Variants in SLC44A5 observed in about 807,000 individuals in gnomAD.
The protein encoded by SLC44A5 is choline transporter-like protein 5.
SLC44A5 carries 57 observed loss-of-function variants against 101.8 expected under a neutral mutation model. The observed-to-expected ratio is 0.56, with a 90% CI of 0.45 to 0.70. SLC44A5 has a LOEUF of 0.70. Among genes scored for constraint, SLC44A5 ranks in the 30% least tolerant of loss-of-function variants. SLC44A5 has a pLI of 0.00. For synonymous variants in SLC44A5, 281 were observed against 290.9 expected (o/e 0.97, Z 0.35); for missense variants, 737 against 853.1 (o/e 0.86, Z 1.70).
chr1:75,548,598 A>G (rs992086736), intron 1 of SLC44A5, among the ~76,000 whole-genome samples: 1 of 152,156 alleles, frequency 6.6e-6, no homozygotes, highest in African/African-American at 2.4e-5. Flanking sequence ...AGGGGCTAAA[A>G]AGGACTCAAA....
At chr1:75,474,069 G>T (rs1332319919) in intron 2 of SLC44A5, among the ~76,000 whole-genome samples, 2 of 152,120 alleles carry the variant, frequency 1.3e-5, no homozygotes, top group African/African-American at 4.8e-5. Context: ...GAGCAGATTT[G>T]CTGCTTCATT....
intron 2 of SLC44A5, among the ~76,000 whole-genome samples, chr1:75,517,212 C>T (rs1009013969): frequency 1.3e-5 from 2 of 151,868 alleles, no homozygotes; most frequent in African/African-American, 2.4e-5. Flanking sequence ...CTGCCCTTTC[C>T]GAGACTATAT....
At chr1:75,360,868 G>T (rs891963058) in intron 3 of SLC44A5, among the ~76,000 whole-genome samples, 1 of 152,128 alleles carries the variant, frequency 6.6e-6, no homozygotes, top group East Asian at 1.9e-4. Flanking sequence ...TTTTGATAGG[G>T]ATTGCACTGA....
chr1:75,245,284 A>G (rs1180174244), intron 7 of SLC44A5, among the ~76,000 whole-genome samples: 1 of 152,142 alleles, frequency 6.6e-6, no homozygotes, highest in East Asian at 1.9e-4. Context: ...ACCTTCAGAG[A>G]AAATATTAGT....
At chr1:75,209,968 G>A (rs939239953) in intron 23 of SLC44A5, among the ~76,000 whole-genome samples, 3 of 152,146 alleles carry the variant, frequency 2.0e-5, no homozygotes, top group African/African-American at 7.2e-5. Flanking sequence ...AAATGGCATG[G>A]AAGGTGAAAG....
At chr1:75,421,707 C>A (rs1269806783) in intron 2 of SLC44A5, among the ~76,000 whole-genome samples, 2 of 151,962 alleles carry the variant, frequency 1.3e-5, no homozygotes, top group East Asian at 3.9e-4. Context: ...GTCACTAGCT[C>A]ATTGCTGCAC....
At chr1:75,260,676 A>G (rs1453685889) in intron 6 of SLC44A5, among the ~76,000 whole-genome samples, 2 of 152,274 alleles carry the variant, frequency 1.3e-5, no homozygotes, top group South Asian at 4.1e-4. Context: ...AAGCAGACCT[A>G]ATAGACATCT....
chr1:75,529,743 T>C (rs1670618797), intron 2 of SLC44A5, among the ~76,000 whole-genome samples: 1 of 152,166 alleles, frequency 6.6e-6, no homozygotes, highest in Non-Finnish European at 1.5e-5. Context: ...ACTTTAGATT[T>C]AGAGATAGAG....
intron 1 of SLC44A5, chr1:75,582,107 C>A: frequency 1.4e-6 from 1 of 731,022 alleles, no homozygotes; most frequent in Non-Finnish European, 2.5e-6. Flanking sequence ...TGGCCAAGTC[C>A]AAGAACCACA....
At chr1:75,398,718 A>G (rs1480145595) in intron 2 of SLC44A5, among the ~76,000 whole-genome samples, 1 of 152,144 alleles carries the variant, frequency 6.6e-6, no homozygotes, top group Non-Finnish European at 1.5e-5. Context: ...AAAAAAGCAA[A>G]GTTCATATTT....
At chr1:75,418,493 G>A (rs113454524) in intron 2 of SLC44A5, among the ~76,000 whole-genome samples, 23 of 152,262 alleles carry the variant, frequency 1.5e-4, no homozygotes, top group African/African-American at 5.3e-4. Context: ...TGAGTAAGTG[G>A]CATTCAAGCC....
At position 75,507,888 on chromosome 1, in the gene SLC44A5, T is replaced by C. The variant is rs140994746; in HGVS notation, c.13+33547A>G. Among the ~76,000 whole-genome samples, 299 of 152,288 alleles carry C rather than the reference T, an allele frequency of 2.0e-3. 2 individuals carry two copies. The highest frequency in any genetic ancestry group is 6.9e-3 in the African/African-American group (286 of 41,562). On this transcript the variant is annotated intron_variant, in intron 2 of 23. Transcript: ENST00000370859. ...CCCAGATTCACAAAACAAGTACTTC[T>C]AGGCCTACAAAAAGACTTAGATAGT...
chr1:75,720,924 TG>T, the SLC44A5 span, among the ~76,000 whole-genome samples: 1 of 152,252 alleles, frequency 6.6e-6, no homozygotes, highest in South Asian at 2.1e-4. Context: ...GGCTGACACT[TG>T]GTTAAGTTTA....
the SLC44A5 span, among the ~76,000 whole-genome samples, chr1:75,620,035 G>C: frequency 1.3e-5 from 2 of 152,018 alleles, no homozygotes; most frequent in Non-Finnish European, 2.9e-5. Context: ...CCCCGTGTCC[G>C]TGTGTTCTTA....
the SLC44A5 span, among the ~76,000 whole-genome samples, chr1:75,642,699 T>TGAGGAG: frequency 1.9e-4 from 29 of 151,720 alleles, no homozygotes; most frequent in Admixed American, 5.3e-4. Flanking sequence ...AGGAGAAGTA[T>TGAGGAG]GAGGAGGAGG....
chr1:75,400,514 C>T (rs1290025821), intron 2 of SLC44A5, among the ~76,000 whole-genome samples: 5 of 152,174 alleles, frequency 3.3e-5, no homozygotes, highest in African/African-American at 9.7e-5. Context: ...TAAGTACGAC[C>T]TTTACTTCTA....
the SLC44A5 span, among the ~76,000 whole-genome samples, chr1:75,703,536 A>T: frequency 6.6e-6 from 1 of 152,174 alleles, no homozygotes; most frequent in Middle Eastern, 3.4e-3. Flanking sequence ...GGGGAGGGAT[A>T]GCTTTAGGAG....
chr1:75,241,967 C>T (rs7556057), intron 9 of SLC44A5, 34 bp downstream of exon 9: 418,831 of 1,561,942 alleles, frequency 0.27, 58,107 homozygotes, highest in Middle Eastern at 0.36. Context: ...TTTGGTAGAT[C>T]CTATGTTTCT....
intron 5 of SLC44A5, among the ~76,000 whole-genome samples, chr1:75,276,141 T>A (rs1332162413): frequency 6.6e-6 from 1 of 152,184 alleles, no homozygotes; most frequent in Non-Finnish European, 1.5e-5. Context: ...CCCCTTTGTC[T>A]AATTCTTTCT....
Sources: allele counts gnomAD v4.1 joint callset (sites outside exome capture counted in the v4.1 genomes callset), GRCh38; gene constraint gnomAD v4.1.1; transcripts MANE v1.5; gene names NCBI Gene and HGNC (gene_info 2026-07-23, HGNC 2026-07-21).